The following SGCZ variants were observed in gnomAD, a reference collection of about 807,000 sequenced individuals.
SGCZ encodes the protein sarcoglycan zeta.
SGCZ carries 40 observed loss-of-function variants against 41.3 expected under a neutral mutation model. That is an observed-to-expected ratio of 0.97 (90% CI 0.75 to 1.26). SGCZ has a LOEUF of 1.26. SGCZ is among the 50% of genes most tolerant of loss of function. The pLI is 0.00. For missense variants in SGCZ, 552 were observed against 369.8 expected, an observed-to-expected ratio of 1.49 and a Z score of -4.04; for synonymous variants, 206 against 137.5, an observed-to-expected ratio of 1.50 and a Z score of -3.49.
At chr8:15,106,453 C>T (rs768368379) in intron 1 of SGCZ, among the ~76,000 whole-genome samples, 13 of 151,930 alleles carry the variant, frequency 8.6e-5, no homozygotes, top group African/African-American at 1.2e-4. Context: ...CTCTTATAAG[C>T]TTTCACATTT....
chr8:15,138,211 G>C (rs1328623363), intron 1 of SGCZ, among the ~76,000 whole-genome samples: 3 of 152,200 alleles, frequency 2.0e-5, no homozygotes, highest in Admixed American at 6.5e-5. Context: ...TTTGGAACAG[G>C]TGTGTTTACC....
intron 1 of SGCZ, among the ~76,000 whole-genome samples, chr8:14,700,349 T>A (rs1809096620): frequency 6.6e-6 from 1 of 151,904 alleles, no homozygotes; most frequent in African/African-American, 2.4e-5. Flanking sequence ...TCAAATTAAT[T>A]GATGCAGGAG....
intron 1 of SGCZ, among the ~76,000 whole-genome samples, chr8:14,710,324 C>A (rs1809474380): frequency 7.0e-6 from 1 of 143,618 alleles, no homozygotes; most frequent in African/African-American, 2.6e-5. Context: ...GAGCGGAGAT[C>A]GCGCCACTGC....
chr8:14,656,606 CCTCTCCTCTCTCTCTCT>C (rs1226378093), intron 1 of SGCZ, among the ~76,000 whole-genome samples: 2 of 95,940 alleles, frequency 2.1e-5, no homozygotes, highest in Non-Finnish European at 5.1e-5. Flanking sequence ...CTCTCCTCTC[CCTCTCCTCTCTCTCTCT>C]CTCTCCTCCC....
At position 14,282,044 on chromosome 8, in the gene SGCZ, A is replaced by G. The variant is rs935527166; in HGVS notation, c.336+42059T>C. ...CCAGTTATCAAACCATATTGGCTCTAGTTAAAAGAAATAAACTTAGTCTTT... is the reference window on the plus strand; with the variant it reads ...CCAGTTATCAAACCATATTGGCTCTGGTTAAAAGAAATAAACTTAGTCTTT... On this transcript the variant is annotated intron_variant, in intron 3 of 7. Coordinates refer to ENST00000382080, the MANE Select transcript of SGCZ (RefSeq NM_139167.4). Among the ~76,000 whole-genome samples the G allele has an allele frequency of 5.9e-5, 9 of 152,282 alleles. 1 individual carries two copies. Among genetic ancestry groups the G allele is most frequent in the Middle Eastern group, 3.4e-3 (1 of 294 alleles).
intron 4 of SGCZ, among the ~76,000 whole-genome samples, chr8:14,170,057 AT>A (rs35045034): frequency 0.025 from 3,665 of 148,670 alleles, 110 homozygotes; most frequent in African/African-American, 0.075. Context: ...CTTTCACTTG[AT>A]TTTTTTTTTT....
chr8:14,917,568 T>C (rs1440859004), intron 1 of SGCZ, among the ~76,000 whole-genome samples: 1 of 152,098 alleles, frequency 6.6e-6, no homozygotes, highest in African/African-American at 2.4e-5. Flanking sequence ...TGGTGGTCTA[T>C]TGATCCACAG....
intron 1 of SGCZ, among the ~76,000 whole-genome samples, chr8:15,236,867 C>G (rs1239874997): frequency 1.3e-5 from 2 of 152,144 alleles, no homozygotes; most frequent in African/African-American, 4.8e-5. Flanking sequence ...GCGGCCGGAG[C>G]CTCCGCAGAT....
intron 2 of SGCZ, among the ~76,000 whole-genome samples, chr8:14,535,069 G>C (rs1330658636): frequency 6.6e-6 from 1 of 151,848 alleles, no homozygotes; most frequent in Non-Finnish European, 1.5e-5. Flanking sequence ...ATTTGTGCCT[G>C]CTTTTCTGCA....
At chr8:14,623,378 G>A (rs1012491361) in intron 1 of SGCZ, among the ~76,000 whole-genome samples, 2 of 152,140 alleles carry the variant, frequency 1.3e-5, no homozygotes, top group African/African-American at 2.4e-5. Flanking sequence ...CTCTTTGCGT[G>A]AAGCAAAAAG....
At chr8:14,531,379 T>A (rs1803125588) in intron 2 of SGCZ, among the ~76,000 whole-genome samples, 1 of 151,820 alleles carries the variant, frequency 6.6e-6, no homozygotes, top group South Asian at 2.1e-4. Flanking sequence ...TTCCTCTTGG[T>A]CACAAGACTA....
At chr8:15,133,943 C>T (rs1303662724) in intron 1 of SGCZ, among the ~76,000 whole-genome samples, 1 of 152,036 alleles carries the variant, frequency 6.6e-6, no homozygotes, top group African/African-American at 2.4e-5. Flanking sequence ...TTTCAATGTT[C>T]TGTTTTTAAT....
At chr8:14,649,390 A>G (rs1007522433) in intron 1 of SGCZ, among the ~76,000 whole-genome samples, 11 of 152,086 alleles carry the variant, frequency 7.2e-5, no homozygotes, top group Admixed American at 6.6e-5. Context: ...TGAAGGGACA[A>G]CCCATCTGGC....
chr8:15,188,204 C>T (rs1800409936), intron 1 of SGCZ, among the ~76,000 whole-genome samples: 1 of 151,920 alleles, frequency 6.6e-6, no homozygotes, highest in Non-Finnish European at 1.5e-5. Context: ...GGGATTTCTA[C>T]AAGTCAAATA....
At chr8:14,189,291 A>T (rs1805015361) in intron 4 of SGCZ, among the ~76,000 whole-genome samples, 1 of 152,154 alleles carries the variant, frequency 6.6e-6, no homozygotes, top group Non-Finnish European at 1.5e-5. Context: ...CAGAAGCCAG[A>T]GTCATATATT....
chr8:14,554,995 GA>G, intron 1 of SGCZ, 69 bp from the exon 2 acceptor site: 2 of 1,381,398 alleles, frequency 1.4e-6, no homozygotes, highest in Non-Finnish European at 2.0e-6. Context: ...ATAAACCCAT[GA>G]TTTTTTTGAA....
At chr8:14,269,726 C>A (rs531318560) in intron 3 of SGCZ, among the ~76,000 whole-genome samples, 1 of 152,154 alleles carries the variant, frequency 6.6e-6, no homozygotes, top group Admixed American at 6.5e-5. Context: ...TTCACCATCC[C>A]CAGTGAGTGT....
At chr8:14,432,662 C>T (rs181261250) in intron 2 of SGCZ, among the ~76,000 whole-genome samples, 71 of 152,174 alleles carry the variant, frequency 4.7e-4, no homozygotes, top group African/African-American at 1.7e-3. Flanking sequence ...GCCTGTAATC[C>T]CAGCACTTTG....
At chr8:14,893,731 A>G (rs1484752696) in intron 1 of SGCZ, among the ~76,000 whole-genome samples, 2 of 152,200 alleles carry the variant, frequency 1.3e-5, no homozygotes, top group African/African-American at 4.8e-5. Flanking sequence ...AAATATAATA[A>G]CTTGCCTACC....
Sources: gnomAD v4.1 joint callset for allele counts (sites outside exome capture counted in the v4.1 genomes callset) on GRCh38, gnomAD v4.1.1 for gene constraint, MANE v1.5 for transcripts, NCBI Gene and HGNC (gene_info 2026-07-23, HGNC 2026-07-21) for gene names.